The following FAAH2 variants were observed in gnomAD, a reference collection of about 807,000 sequenced individuals.
The protein encoded by FAAH2 is fatty acid amide hydrolase 2.
FAAH2 carries 60 observed loss-of-function variants against 36.9 expected under a neutral mutation model. The observed-to-expected ratio is 1.63, with a 90% CI of 1.32 to 2.02. The LOEUF is 2.02. Among genes scored for constraint, FAAH2 ranks in the 30% most tolerant of loss-of-function variants. The pLI is 0.00. For missense variants in FAAH2, 689 were observed against 397.5 expected, an observed-to-expected ratio of 1.73 and a Z score of -6.23; for synonymous variants, 214 against 143.8, an observed-to-expected ratio of 1.49 and a Z score of -3.49.
chrX:57,245,567 T>G, the FAAH2 span, among the ~76,000 whole-genome samples: 6 of 112,315 alleles, frequency 5.3e-5, no homozygotes, highest in Admixed American at 4.7e-4. Flanking sequence ...AACTCAGGAT[T>G]AAGAAACTCA....
Position 57,459,794 on chromosome X carries a change from A to C in FAAH2, c.1423+11076A>C, listed in dbSNP as rs373057538. Among the ~76,000 whole-genome samples the C allele has an allele frequency of 2.2e-4, 25 of 112,044 alleles. No individual in the cohort carries two copies. The East Asian group carries it at 5.9e-3, about 27-fold the overall frequency. ...GACAAACTAACAAAAAGAAAGCAAC[A>C]ACATCAACATCAGCATAAAGAAACC... On this transcript the variant is annotated intron_variant, in intron 10 of 10. Coordinates refer to ENST00000374900, the MANE Select transcript of FAAH2 (RefSeq NM_174912.4).
intron 7 of FAAH2, among the ~76,000 whole-genome samples, chrX:57,405,353 A>G (rs1159505191): frequency 9.0e-6 from 1 of 111,124 alleles, no homozygotes; most frequent in Non-Finnish European, 1.9e-5. Context: ...TATAGCTCTA[A>G]TAGAAGCTGT....
At chrX:57,353,191 C>T (rs190578252) in intron 5 of FAAH2, among the ~76,000 whole-genome samples, 7 of 109,544 alleles carry the variant, frequency 6.4e-5, no homozygotes, top group Middle Eastern at 4.7e-3. Context: ...TACCTCACTT[C>T]GGTAATATTA....
the FAAH2 span, among the ~76,000 whole-genome samples, chrX:57,236,962 T>A: frequency 2.7e-5 from 3 of 111,614 alleles, no homozygotes; most frequent in Non-Finnish European, 5.7e-5. Context: ...TTCCTTGTGG[T>A]TTTTTCTGAT....
chrX:57,170,625 A>T, the FAAH2 span, among the ~76,000 whole-genome samples: 1 of 110,384 alleles, frequency 9.1e-6, no homozygotes, highest in African/African-American at 3.3e-5. Context: ...TATCCAATAT[A>T]CCACTCTGTA....
chrX:57,201,250 G>A, the FAAH2 span, among the ~76,000 whole-genome samples: 80 of 109,652 alleles, frequency 7.3e-4, no homozygotes, highest in Non-Finnish European at 9.5e-4. Flanking sequence ...GTGAAACCCC[G>A]TCTACTAAAA....
At chrX:57,207,734 C>T in the FAAH2 span, among the ~76,000 whole-genome samples, 3 of 112,442 alleles carry the variant, frequency 2.7e-5, no homozygotes, top group African/African-American at 9.7e-5. Context: ...TAAACTAGAC[C>T]TGCCTAGAAG....
the FAAH2 span, among the ~76,000 whole-genome samples, chrX:57,158,674 T>C: frequency 2.1e-4 from 24 of 112,229 alleles, no homozygotes; most frequent in African/African-American, 7.5e-4. Flanking sequence ...TCATATCCTT[T>C]GCCCACTTTT....
chrX:57,442,340 A>G (rs111994405), intron 8 of FAAH2, among the ~76,000 whole-genome samples: 1,136 of 111,953 alleles, frequency 0.01, 13 homozygotes, highest in African/African-American at 0.035. Flanking sequence ...TTCTTGTTGA[A>G]TTGATCCCTT....
chrX:57,454,186 G>A (rs2056831871), intron 10 of FAAH2, among the ~76,000 whole-genome samples: 2 of 111,871 alleles, frequency 1.8e-5, no homozygotes, highest in African/African-American at 3.3e-5. Context: ...TGGATCTCAG[G>A]TCAAAATGCA....
intron 4 of FAAH2, among the ~76,000 whole-genome samples, chrX:57,338,678 G>T (rs934001625): frequency 9.0e-6 from 1 of 110,567 alleles, no homozygotes; most frequent in African/African-American, 3.3e-5. Flanking sequence ...AAAAGAATAC[G>T]ATACCTAAGA....
chrX:57,378,519 A>C, intron 5 of FAAH2, 132 bp from the exon 6 acceptor site: 2 of 759,173 alleles, frequency 2.6e-6, no homozygotes, highest in South Asian at 3.1e-5. Context: ...TACTGCAATG[A>C]GATATAAGAA....
intron 5 of FAAH2, among the ~76,000 whole-genome samples, chrX:57,356,443 T>C (rs1363265210): frequency 9.0e-6 from 1 of 111,381 alleles, no homozygotes; most frequent in Non-Finnish European, 1.9e-5. Flanking sequence ...TAGCTATAGG[T>C]TCTTTCAGAT....
chrX:57,336,425 G>A (rs1187773582), intron 4 of FAAH2, among the ~76,000 whole-genome samples: 5 of 111,589 alleles, frequency 4.5e-5, no homozygotes, highest in Non-Finnish European at 7.5e-5. Flanking sequence ...AGCCTGTTTG[G>A]TGGTCTCTTC....
At chrX:57,245,097 A>C in the FAAH2 span, among the ~76,000 whole-genome samples, 2 of 111,953 alleles carry the variant, frequency 1.8e-5, no homozygotes, top group Admixed American at 9.5e-5. Context: ...GCTGAAAAAA[A>C]CAGACTTTAA....
intron 10 of FAAH2, among the ~76,000 whole-genome samples, chrX:57,463,075 T>A (rs1192953396): frequency 1.8e-5 from 2 of 111,103 alleles, no homozygotes; most frequent in African/African-American, 6.5e-5. Context: ...AAAGAAAATT[T>A]AAAAACCCAG....
intron 4 of FAAH2, among the ~76,000 whole-genome samples, chrX:57,337,016 GAAGAA>G (rs1211146056): frequency 1.6e-4 from 18 of 109,672 alleles, no homozygotes; most frequent in Non-Finnish European, 2.1e-4. Context: ...GACTAATAAA[GAAGAA>G]AAGAGAGAAT....
the FAAH2 span, among the ~76,000 whole-genome samples, chrX:57,201,417 T>C: frequency 7.6e-5 from 8 of 105,859 alleles, no homozygotes; most frequent in Non-Finnish European, 1.5e-4. Flanking sequence ...TTAGCTCTGT[T>C]ACTTTTTACT....
At chrX:57,131,109 C>T in the FAAH2 span, among the ~76,000 whole-genome samples, 3 of 95,851 alleles carry the variant, frequency 3.1e-5, no homozygotes, top group Admixed American at 3.5e-4. Flanking sequence ...GACGGAGTCT[C>T]GCTCTGTCGC....
Sources: gnomAD v4.1 joint callset for allele counts (sites outside exome capture counted in the v4.1 genomes callset) on GRCh38, gnomAD v4.1.1 for gene constraint, MANE v1.5 for transcripts, NCBI Gene and HGNC (gene_info 2026-07-23, HGNC 2026-07-21) for gene names.